The following TMEM132D variants were observed in gnomAD, a reference collection of about 807,000 sequenced individuals.
TMEM132D encodes transmembrane protein 132D, also known as mature OL transmembrane protein.
In TMEM132D, 21 loss-of-function variants were observed where a neutral mutation model predicts 62.3. The observed-to-expected ratio is 0.34, with a 90% CI of 0.24 to 0.49. The LOEUF is 0.49. Ranked by LOEUF, TMEM132D falls within the 20% of genes least tolerant of loss-of-function variation. TMEM132D has a pLI of 0.99. For missense variants in TMEM132D, 1,346 were observed against 1,402.8 expected, an observed-to-expected ratio of 0.96 and a Z score of 0.65; for synonymous variants, 621 against 575.6, an observed-to-expected ratio of 1.08 and a Z score of -1.13.
intron 2 of TMEM132D, among the ~76,000 whole-genome samples, chr12:129,559,003 A>G (rs1161753149): frequency 1.3e-5 from 2 of 152,238 alleles, no homozygotes; most frequent in Non-Finnish European, 2.9e-5. Flanking sequence ...GAATGCAAAG[A>G]ATCAGAAATT....
intron 1 of TMEM132D, among the ~76,000 whole-genome samples, chr12:129,836,506 G>A (rs1321466419): frequency 6.6e-6 from 1 of 151,874 alleles, no homozygotes; most frequent in Admixed American, 6.6e-5. Flanking sequence ...GTGTGTGTGT[G>A]TGTGTGTGTG....
In TMEM132D at chr12:129,073,632, A is replaced by C; in HGVS notation, c.*243T>G. On this transcript the variant is annotated 3_prime_UTR_variant, in exon 9 of 9. Coordinates refer to ENST00000422113, the MANE Select transcript of TMEM132D (RefSeq NM_133448.3). ...GTGATTCAGAACTCGTTTTTGTTTC[A>C]AGTCTTAAAAATCTTGCCATGCATG... 2.5e-6 allele frequency: 1 copy of C among 403,354 alleles called. No homozygotes were observed. Among genetic ancestry groups the C allele is most frequent in the Non-Finnish European group, 4.4e-6 (1 of 228,088 alleles). The allele number at this position is 403,354 out of a possible 1,614,324, so 25.0% of individuals were successfully genotyped here.
chr12:129,703,793 T>A (rs1453218539), intron 1 of TMEM132D, among the ~76,000 whole-genome samples: 1 of 152,124 alleles, frequency 6.6e-6, no homozygotes, highest in East Asian at 1.9e-4. Flanking sequence ...ATTTTAACAT[T>A]TTTGAAAGGA....
chr12:129,606,941 G>A (rs1485001525), intron 2 of TMEM132D, among the ~76,000 whole-genome samples: 2 of 152,020 alleles, frequency 1.3e-5, no homozygotes, highest in African/African-American at 4.8e-5. Context: ...TCATTCTCTT[G>A]GATTTCCAAC....
At chr12:129,584,596 T>C (rs1877969581) in intron 2 of TMEM132D, among the ~76,000 whole-genome samples, 1 of 152,214 alleles carries the variant, frequency 6.6e-6, no homozygotes, top group Admixed American at 6.5e-5. Flanking sequence ...AATTGCTTTA[T>C]CGCACCTCTG....
chr12:129,406,726 G>A (rs890624249), intron 3 of TMEM132D, among the ~76,000 whole-genome samples: 2 of 152,078 alleles, frequency 1.3e-5, no homozygotes, highest in Admixed American at 6.6e-5. Context: ...GGGCTACTTC[G>A]TATGCCTCAT....
intron 3 of TMEM132D, among the ~76,000 whole-genome samples, chr12:129,526,507 A>G (rs909533390): frequency 2.0e-5 from 3 of 151,604 alleles, no homozygotes; most frequent in Non-Finnish European, 4.4e-5. Flanking sequence ...ATGGTCTCGA[A>G]CTCCTGACCT....
intron 1 of TMEM132D, among the ~76,000 whole-genome samples, chr12:129,874,418 A>AAAAAT (rs1397014551): frequency 6.6e-6 from 1 of 152,108 alleles, no homozygotes; most frequent in East Asian, 1.9e-4. Context: ...TCAAAAAATA[A>AAAAAT]AAAATAAAAT....
At chr12:129,076,979 G>T (rs556064655) in intron 8 of TMEM132D, among the ~76,000 whole-genome samples, 64 of 152,336 alleles carry the variant, frequency 4.2e-4, no homozygotes, top group African/African-American at 1.5e-3. Context: ...AGAAAAGGAG[G>T]TTTGCTTTGG....
At position 129,371,043 on chromosome 12, in the gene TMEM132D, T is replaced by C. The variant is rs1870582601; in HGVS notation, c.1116-33226A>G. On this transcript the variant is annotated intron_variant, in intron 3 of 8. Coordinates refer to ENST00000422113, the MANE Select transcript of TMEM132D (RefSeq NM_133448.3). This position sits in a 1 kb window ranked among gnomAD's most constrained non-coding sequence, Gnocchi z 4.3. ...CCATAGGAGAAGAATTGTAACATTC[T>C]CAACACAAAAAACAGATAAATATTT... Among the ~76,000 whole-genome samples, 2 of 152,182 alleles carry C rather than the reference T, an allele frequency of 1.3e-5. No homozygotes were observed. The highest frequency in any genetic ancestry group is 2.1e-4 in the South Asian group (1 of 4,838).
intron 3 of TMEM132D, among the ~76,000 whole-genome samples, chr12:129,516,294 C>A (rs1310491941): frequency 2.0e-5 from 3 of 152,244 alleles, no homozygotes; most frequent in Non-Finnish European, 2.9e-5. Flanking sequence ...AGGGATCCAG[C>A]TCTGAACCTG....
intron 3 of TMEM132D, among the ~76,000 whole-genome samples, chr12:129,525,927 C>A (rs1202576299): frequency 6.6e-6 from 1 of 152,088 alleles, no homozygotes; most frequent in African/African-American, 2.4e-5. Flanking sequence ...GAAAGTCACG[C>A]CATTTTGATG....
chr12:129,132,480 C>T (rs1332571321), intron 5 of TMEM132D, among the ~76,000 whole-genome samples: 2 of 152,190 alleles, frequency 1.3e-5, no homozygotes, highest in South Asian at 4.1e-4. Context: ...GATCTACTCT[C>T]TTAGCAAATT....
At chr12:129,518,485 CTT>C (rs1875745123) in intron 3 of TMEM132D, among the ~76,000 whole-genome samples, 1 of 151,160 alleles carries the variant, frequency 6.6e-6, no homozygotes, top group Non-Finnish European at 1.5e-5. Flanking sequence ...CTTTTAGCCT[CTT>C]GACTATATTG....
chr12:129,311,941 T>C (rs1217034186), intron 4 of TMEM132D, among the ~76,000 whole-genome samples: 1 of 152,166 alleles, frequency 6.6e-6, no homozygotes, highest in African/African-American at 2.4e-5. Context: ...TGGGCCTCAG[T>C]AAGCACTTTG....
chr12:129,719,253 T>C (rs963797936), intron 1 of TMEM132D, among the ~76,000 whole-genome samples: 1 of 152,028 alleles, frequency 6.6e-6, no homozygotes, highest in African/African-American at 2.4e-5. Flanking sequence ...AGTGAGACCC[T>C]GTCTCAAAAA....
intron 5 of TMEM132D, among the ~76,000 whole-genome samples, chr12:129,159,797 A>G (rs7313362): frequency 0.61 from 88,929 of 146,026 alleles, 27,841 homozygotes; most frequent in Non-Finnish European, 0.67. Flanking sequence ...TTGATAAGAC[A>G]AGAGTAGTGG....
chr12:129,590,862 T>G (rs562674064), intron 2 of TMEM132D, among the ~76,000 whole-genome samples: 1 of 152,088 alleles, frequency 6.6e-6, no homozygotes, highest in Non-Finnish European at 1.5e-5. Flanking sequence ...ATGGTCCAAT[T>G]TGAAAATTGC....
chr12:129,546,920 T>C (rs1876754143), intron 2 of TMEM132D, among the ~76,000 whole-genome samples: 2 of 152,180 alleles, frequency 1.3e-5, no homozygotes, highest in African/African-American at 4.8e-5. Context: ...TTCCATACAG[T>C]TTATTAATAA....
Sources: allele counts gnomAD v4.1 joint callset (sites outside exome capture counted in the v4.1 genomes callset), GRCh38; gene constraint gnomAD v4.1.1; non-coding constraint Gnocchi (gnomAD v3.1); transcripts MANE v1.5; gene names NCBI Gene and HGNC (gene_info 2026-07-23, HGNC 2026-07-21).